Variants in CDC16 observed in about 807,000 individuals in gnomAD.
CDC16 encodes the protein cell division cycle protein 16 homolog.
CDC16 carries 34 observed loss-of-function variants against 87.0 expected under a neutral mutation model. The observed-to-expected ratio is 0.39, with a 90% CI of 0.30 to 0.52. CDC16 has a LOEUF of 0.52. Among genes scored for constraint, CDC16 ranks in the 20% least tolerant of loss-of-function variants. CDC16 has a pLI of 0.74. For synonymous variants in CDC16, 263 were observed against 260.6 expected (o/e 1.01, Z -0.09); for missense variants, 653 against 751.9 (o/e 0.87, Z 1.54).
At chr13:114,264,086 T>G (rs904964075) in intron 16 of CDC16, 9 of 152,180 alleles carry the variant, frequency 5.9e-5, no homozygotes, top group African/African-American at 1.4e-4. Context: ...TTTCAAGAGT[T>G]CATTAGAGAT....
intron 3 of CDC16, 31 bp from the exon 4 acceptor site, chr13:114,238,959 C>A: frequency 6.3e-7 from 1 of 1,592,332 alleles, no homozygotes; most frequent in Non-Finnish European, 8.6e-7. Flanking sequence ...TTATTTTGAC[C>A]ACTACTTAAA....
At chr13:114,271,574 A>C (rs2083661313) in intron 17 of CDC16, among the ~76,000 whole-genome samples, 1 of 151,832 alleles carries the variant, frequency 6.6e-6, no homozygotes, top group Non-Finnish European at 1.5e-5. Context: ...TCCTGGGTTC[A>C]TGCCATTCTC....
At chr13:114,261,733 A>C (rs9525198) in intron 14 of CDC16, among the ~76,000 whole-genome samples, 154 bp from the exon 15 acceptor site, 1,840 of 152,246 alleles carry the variant, frequency 0.012, 19 homozygotes, top group Non-Finnish European at 0.019. Flanking sequence ...AGAAAGGGAG[A>C]TAGATAAAAC....
intron 12 of CDC16, among the ~76,000 whole-genome samples, chr13:114,251,121 G>A (rs1355587281): frequency 6.6e-6 from 1 of 152,210 alleles, no homozygotes; most frequent in African/African-American, 2.4e-5. Flanking sequence ...GAGGAGTAGA[G>A]TATTGCTGTT....
intron 17 of CDC16, among the ~76,000 whole-genome samples, chr13:114,270,297 G>C (rs1207798566): frequency 6.6e-6 from 1 of 152,074 alleles, no homozygotes; most frequent in Non-Finnish European, 1.5e-5. Context: ...AAAGGGAGGA[G>C]GTGCTACATA....
intron 5 of CDC16, among the ~76,000 whole-genome samples, chr13:114,240,894 T>G (rs1284428083): frequency 6.6e-6 from 1 of 152,238 alleles, no homozygotes; most frequent in African/African-American, 2.4e-5. Context: ...CTATGAAATG[T>G]GTGATTTATT....
rs148284501 is a variant in CDC16, at chr13:114,258,099, A to C, written c.1250+869A>C. 5.5e-3 allele frequency among the ~76,000 whole-genome samples: 835 copies of C among 152,324 alleles called. 6 individuals are homozygous for C. Among genetic ancestry groups the C allele is most frequent in the Non-Finnish European group, 7.2e-3 (489 of 68,032 alleles). On this transcript the variant is annotated intron_variant, in intron 13 of 17. Transcript: ENST00000356221. The stretch of plus-strand genomic sequence containing the variant: ...CACGCTCGGCTGTAAATTAGTATTA[A>C]TACTACTACAGTGTCATTTATGGCA...
In CDC16 at chr13:114,238,997, A is replaced by G; in HGVS notation, c.209A>G (p.Glu70Gly). 1 of 1,611,492 alleles carries G rather than the reference A, an allele frequency of 6.2e-7. No homozygotes were observed. Among genetic ancestry groups the G allele is most frequent in the Non-Finnish European group, 8.5e-7 (1 of 1,178,462 alleles). Residue 70 changes from glutamate (E) to glycine (G), a missense_variant, in exon 4 of 18, where the codon GAA becomes GGA. Glu to Gly is a moderately conservative substitution (Grantham distance 98). Coordinates refer to ENST00000356221, the MANE Select transcript of CDC16 (RefSeq NM_001078645.3). ...AATTAATTTCTTTCCTAGTTGTATG[A>G]AGCATGTCGTTACCTTGCAGCTAGG... The part of the protein sequence containing the change: ...LRSRKLDKLY[E>G]ACRYLAARCH...
chr13:114,243,487 A>C, intron 7 of CDC16, 139 bp downstream of exon 7: 1 of 490,478 alleles, frequency 2.0e-6, no homozygotes, highest in Non-Finnish European at 3.5e-6. Context: ...CGTTTAAGAT[A>C]CATAAGATTC....
rs2081752720 is a variant in CDC16, at chr13:114,244,726, T to C, written c.768-164T>C. ...TTTTCTTTCATTTGTAACTTAATTATGGCCTTAACTGAATCAACCTGAAGA... is the reference window on the plus strand; with the variant it reads ...TTTTCTTTCATTTGTAACTTAATTACGGCCTTAACTGAATCAACCTGAAGA... On this transcript the variant is annotated intron_variant, in intron 8 of 17. Transcript: ENST00000356221. 7 of 428,304 alleles carry C rather than the reference T, an allele frequency of 1.6e-5. No individual in the cohort carries two copies. The South Asian group carries it at 5.5e-4, about 33-fold the overall frequency. 26.5% of individuals were successfully genotyped at this position (428,304 alleles called of 1,614,324 possible).
chr13:114,241,995 T>G, intron 5 of CDC16, 126 bp from the exon 6 acceptor site: 138 of 1,062,994 alleles, frequency 1.3e-4, no homozygotes, highest in Non-Finnish European at 1.7e-4. Flanking sequence ...AAGGCTGCAG[T>G]GAGCTATGAT....
rs751007831 is a variant in CDC16, at chr13:114,250,537, CT to C, written c.972-8del. The C allele has an allele frequency of 4.4e-6, 7 of 1,598,406 alleles. No individual in the cohort carries two copies. The highest frequency in any genetic ancestry group is 6.0e-6 in the Non-Finnish European group (7 of 1,168,260). Reference sequence around the variant, plus strand: ...AAATACTATATGACTTAAATTAACTCTTTTGTTTTAGCAAAGCCACAACACT... The same window carrying C: ...AAATACTATATGACTTAAATTAACTCTTTGTTTTAGCAAAGCCACAACACT... On this transcript the variant is annotated splice_polypyrimidine_tract_variant and intron_variant, in intron 11 of 17. Transcript: ENST00000356221.
At chr13:114,252,799 A>G (rs780131829) in intron 12 of CDC16, among the ~76,000 whole-genome samples, 1 of 152,166 alleles carries the variant, frequency 6.6e-6, no homozygotes, top group Non-Finnish European at 1.5e-5. Context: ...TAATGACACA[A>G]TACCTTCAGT....
chr13:114,239,204 C>T, intron 4 of CDC16, 146 bp from the exon 5 acceptor site: 1 of 1,396,964 alleles, frequency 7.2e-7, no homozygotes, highest in East Asian at 2.3e-5. Flanking sequence ...TCGTTTACCA[C>T]ATGCTGACAT....
chr13:114,246,771 C>G (rs905252092), intron 10 of CDC16, among the ~76,000 whole-genome samples, 160 bp from the exon 11 acceptor site: 1 of 152,174 alleles, frequency 6.6e-6, no homozygotes, highest in African/African-American at 2.4e-5. Flanking sequence ...CTGCCCTCTT[C>G]TCTTGGACCT....
intron 11 of CDC16, among the ~76,000 whole-genome samples, chr13:114,248,648 TC>T (rs1436982129): frequency 6.6e-6 from 1 of 151,382 alleles, no homozygotes; most frequent in East Asian, 1.9e-4. Context: ...ACTACTGCAC[TC>T]CAGCCTCGCC....
chr13:114,269,925 C>T (rs2083496176), intron 17 of CDC16, among the ~76,000 whole-genome samples: 1 of 152,126 alleles, frequency 6.6e-6, no homozygotes, highest in South Asian at 2.1e-4. Flanking sequence ...AGGCTGGTCT[C>T]GAACTCCTGA....
chr13:114,248,133 C>T (rs1447344937), intron 11 of CDC16, among the ~76,000 whole-genome samples: 1 of 152,138 alleles, frequency 6.6e-6, no homozygotes, highest in Admixed American at 6.6e-5. Flanking sequence ...TAAGGAAAGC[C>T]ATGCAGCCTA....
Position 114,234,977 on chromosome 13 carries a change from C to A in CDC16, c.-108C>A. On this transcript the variant is annotated 5_prime_UTR_variant, in exon 1 of 18. Coordinates refer to ENST00000356221, the MANE Select transcript of CDC16 (RefSeq NM_001078645.3). ...AGTCCGCGGCCTTCGAGTCCTGGGG[C>A]GGCGGCGGCGGCTGCAGGCACGGGC... 1.2e-6 allele frequency: 1 copy of A among 834,858 alleles called. No individual in the cohort carries two copies. The highest frequency in any genetic ancestry group is 1.6e-6 in the Non-Finnish European group (1 of 625,752). The allele number at this position is 834,858 out of a possible 1,614,324, so 51.7% of individuals were successfully genotyped here. A position where few individuals can be genotyped will look rare whatever the true frequency, so the allele number is the denominator to read the frequency against.
Sources: allele counts gnomAD v4.1 joint callset (sites outside exome capture counted in the v4.1 genomes callset), GRCh38; gene constraint gnomAD v4.1.1; transcripts MANE v1.5; gene names NCBI Gene and HGNC (gene_info 2026-07-23, HGNC 2026-07-21).